The following CAMKMT variants were observed in gnomAD, a reference collection of about 807,000 sequenced individuals.
The protein encoded by CAMKMT is calmodulin-lysine N-methyltransferase.
Under a neutral mutation model 48.0 loss-of-function variants are expected in CAMKMT, and 53 were observed. The observed-to-expected ratio is 1.10, with a 90% confidence interval of 0.89 to 1.39. The LOEUF (loss-of-function observed/expected upper bound fraction) is 1.39. CAMKMT is among the 40% of genes most tolerant of loss of function. The probability of loss-of-function intolerance (pLI) is 0.00; values close to 1 mark genes in which losing one functional copy is unlikely to be tolerated. For missense variants in CAMKMT, 428 were observed against 402.7 expected (o/e 1.06, Z -0.54); for synonymous variants, 165 against 152.3 (o/e 1.08, Z -0.61).
chr2:44,457,193 T>G (rs939279329), intron 3 of CAMKMT: 1 of 152,286 alleles, frequency 6.6e-6, no homozygotes, highest in Middle Eastern at 3.4e-3. Context: ...TAATTTCTTT[T>G]GTATTCTTCC....
intron 2 of CAMKMT, among the ~76,000 whole-genome samples, chr2:44,378,002 A>G (rs1193432264): frequency 2.0e-5 from 3 of 152,352 alleles, no homozygotes; most frequent in African/African-American, 7.2e-5. Context: ...AGGTACGTAT[A>G]TAGAGCTTGG....
intron 3 of CAMKMT, among the ~76,000 whole-genome samples, chr2:44,619,061 T>C (rs966329149): frequency 1.4e-4 from 22 of 152,188 alleles, no homozygotes; most frequent in African/African-American, 5.3e-4. Flanking sequence ...TGAGGCAGAT[T>C]TTCATGGAAG....
intron 3 of CAMKMT, among the ~76,000 whole-genome samples, chr2:44,429,585 A>C (rs1346844128): frequency 6.6e-6 from 1 of 152,124 alleles, no homozygotes; most frequent in African/African-American, 2.4e-5. Context: ...CAAAAGAATA[A>C]GGTCAGGAGA....
At chr2:44,405,807 G>A (rs530837654) in intron 3 of CAMKMT, among the ~76,000 whole-genome samples, 8 of 152,134 alleles carry the variant, frequency 5.3e-5, no homozygotes, top group Admixed American at 2.0e-4. Context: ...TAAATGGATT[G>A]ATAGCTCATG....
intron 3 of CAMKMT, among the ~76,000 whole-genome samples, chr2:44,666,444 A>G (rs1674973872): frequency 6.6e-6 from 1 of 152,056 alleles, no homozygotes; most frequent in African/African-American, 2.4e-5. Flanking sequence ...GAATGCGATA[A>G]GCAGCCTAAG....
intron 3 of CAMKMT, chr2:44,631,662 A>C: frequency 2.4e-6 from 1 of 416,084 alleles, no homozygotes; most frequent in South Asian, 9.3e-5. Context: ...CCATCTGACA[A>C]GTTTTTCTTT....
At chr2:44,643,048 A>G (rs1673534629) in intron 3 of CAMKMT, among the ~76,000 whole-genome samples, 1 of 152,192 alleles carries the variant, frequency 6.6e-6, no homozygotes, top group Non-Finnish European at 1.5e-5. Flanking sequence ...GGAAACACAT[A>G]CATAGAACCC....
At chr2:44,457,508 C>T (rs930508470) in intron 3 of CAMKMT, among the ~76,000 whole-genome samples, 1 of 151,650 alleles carries the variant, frequency 6.6e-6, no homozygotes, top group African/African-American at 2.4e-5. Context: ...AAGCGATTCT[C>T]CCACCTCAGC....
chr2:44,671,576 CACCCCGT>C (rs1476457926), intron 3 of CAMKMT, among the ~76,000 whole-genome samples: 4 of 152,182 alleles, frequency 2.6e-5, no homozygotes, highest in African/African-American at 9.6e-5. Context: ...TCTCCACCCT[CACCCCGT>C]GTGGCCACCC....
chr2:44,430,853 A>C (rs928275839), intron 3 of CAMKMT, among the ~76,000 whole-genome samples: 3 of 152,226 alleles, frequency 2.0e-5, no homozygotes, highest in African/African-American at 7.2e-5. Context: ...AGGGTAAATT[A>C]CATGAGATTA....
intron 3 of CAMKMT, among the ~76,000 whole-genome samples, chr2:44,671,634 C>T (rs1376739582): frequency 6.6e-6 from 1 of 152,204 alleles, no homozygotes; most frequent in Non-Finnish European, 1.5e-5. Context: ...TGGTTGAGAA[C>T]CACTGATTTA....
chr2:44,497,228 C>T (rs988532383), intron 3 of CAMKMT, among the ~76,000 whole-genome samples: 1 of 152,110 alleles, frequency 6.6e-6, no homozygotes, highest in African/African-American at 2.4e-5. Flanking sequence ...AACTACACAT[C>T]GCTGTTTCAC....
At chr2:44,685,780 C>G (rs147624626) in intron 3 of CAMKMT, among the ~76,000 whole-genome samples, 51 of 152,232 alleles carry the variant, frequency 3.4e-4, no homozygotes, top group African/African-American at 1.1e-3. Flanking sequence ...TAGGAGCAAT[C>G]AGCATTTCTA....
chr2:44,647,907 C>CAAAAA (rs756753917), intron 3 of CAMKMT, among the ~76,000 whole-genome samples: 46 of 29,458 alleles, frequency 1.6e-3, no homozygotes, highest in Non-Finnish European at 2.0e-3. Flanking sequence ...GACTCCGTCT[C>CAAAAA]AAAAAAAAAA....
intron 3 of CAMKMT, among the ~76,000 whole-genome samples, chr2:44,398,609 A>G (rs1401275560): frequency 6.8e-6 from 1 of 146,852 alleles, no homozygotes; most frequent in African/African-American, 2.5e-5. Flanking sequence ...TGTAACGATA[A>G]TACAATAGTA....
chr2:44,626,404 T>A (rs991293161), intron 3 of CAMKMT, among the ~76,000 whole-genome samples: 4 of 152,224 alleles, frequency 2.6e-5, no homozygotes, highest in African/African-American at 9.6e-5. Flanking sequence ...CTAAATTCAC[T>A]TATTAATTCT....
At chr2:44,367,141 ATTCTGTTAACT>A (rs1235285361) in intron 1 of CAMKMT, among the ~76,000 whole-genome samples, 2 of 152,210 alleles carry the variant, frequency 1.3e-5, no homozygotes, top group Non-Finnish European at 2.9e-5. Flanking sequence ...GGGATTCAGA[ATTCTGTTAACT>A]GTCCTTTTAA....
intron 8 of CAMKMT, among the ~76,000 whole-genome samples, chr2:44,745,289 C>T (rs2104376576): frequency 6.6e-6 from 1 of 152,252 alleles, no homozygotes; most frequent in Middle Eastern, 3.4e-3. Flanking sequence ...AACAGCCTGG[C>T]TTTGTCATAC....
At chr2:44,746,397 A>G (rs1679918808) in intron 8 of CAMKMT, among the ~76,000 whole-genome samples, 1 of 152,228 alleles carries the variant, frequency 6.6e-6, no homozygotes, top group Non-Finnish European at 1.5e-5. Context: ...AATCATTCAT[A>G]TATTCAGATA....
Sources: allele counts gnomAD v4.1 joint callset (sites outside exome capture counted in the v4.1 genomes callset), GRCh38; gene constraint gnomAD v4.1.1; transcripts MANE v1.5; gene names NCBI Gene and HGNC (gene_info 2026-07-23, HGNC 2026-07-21).